Variants in LRRIQ3 observed in about 807,000 individuals in gnomAD.
LRRIQ3 encodes the protein leucine rich repeats and IQ motif containing 3.
LRRIQ3 carries 75 observed loss-of-function variants against 59.3 expected under a neutral mutation model. The observed-to-expected ratio is 1.26, with a 90% CI of 1.05 to 1.53. LRRIQ3 has a LOEUF of 1.53. Ranked by LOEUF, LRRIQ3 falls within the 40% of genes most tolerant of loss-of-function variation. The probability of loss-of-function intolerance (pLI) is 0.00; values close to 1 mark genes in which losing one functional copy is unlikely to be tolerated. For synonymous variants in LRRIQ3, 250 were observed against 231.3 expected, an observed-to-expected ratio of 1.08 and a Z score of -0.73; for missense variants, 831 against 710.0, an observed-to-expected ratio of 1.17 and a Z score of -1.94.
intron 6 of LRRIQ3, among the ~76,000 whole-genome samples, chr1:74,044,593 G>A (rs1322822598): frequency 6.6e-6 from 1 of 152,076 alleles, no homozygotes; most frequent in Non-Finnish European, 1.5e-5. Context: ...AAAGCTAGCA[G>A]AAGACAAGAA....
At chr1:74,038,279 CCAGCCAGGGGCT>C (rs1252304263) in intron 7 of LRRIQ3, among the ~76,000 whole-genome samples, 1 of 152,170 alleles carries the variant, frequency 6.6e-6, no homozygotes, top group Non-Finnish European at 1.5e-5. Context: ...TCCAACAACT[CCAGCCAGGGGCT>C]CAGGGACAGA....
intron 1 of LRRIQ3, among the ~76,000 whole-genome samples, chr1:74,194,888 T>C (rs949969516): frequency 3.9e-5 from 6 of 152,198 alleles, no homozygotes; most frequent in Admixed American, 2.0e-4. Flanking sequence ...TTGACTCTAC[T>C]AATTTATATT....
chr1:74,119,572 G>A (rs1298533697), intron 4 of LRRIQ3, among the ~76,000 whole-genome samples: 1 of 152,066 alleles, frequency 6.6e-6, no homozygotes, highest in Non-Finnish European at 1.5e-5. Context: ...TGTCCTATAT[G>A]TAATGTTTTA....
intron 7 of LRRIQ3, among the ~76,000 whole-genome samples, chr1:74,038,629 T>A (rs2100380710): frequency 6.6e-6 from 1 of 152,200 alleles, no homozygotes; most frequent in African/African-American, 2.4e-5. Flanking sequence ...TCTCTGCTGT[T>A]CTCCAACCTC....
chr1:74,121,629 A>T (rs1167564253), intron 4 of LRRIQ3, among the ~76,000 whole-genome samples: 3 of 152,108 alleles, frequency 2.0e-5, no homozygotes, highest in African/African-American at 7.2e-5. Context: ...CATGTGCACA[A>T]CGTGCAGGTT....
chr1:74,113,830 T>C (rs1350609936), intron 4 of LRRIQ3, among the ~76,000 whole-genome samples: 4 of 152,046 alleles, frequency 2.6e-5, no homozygotes, highest in Admixed American at 2.6e-4. Flanking sequence ...CTTTTTAAGA[T>C]TAAAAAAAGC....
intron 3 of LRRIQ3, among the ~76,000 whole-genome samples, chr1:74,178,994 G>A (rs554271503): frequency 5.9e-5 from 9 of 152,068 alleles, no homozygotes; most frequent in African/African-American, 1.7e-4. Flanking sequence ...TGATTTCCTT[G>A]AGCAACTACA....
intron 6 of LRRIQ3, among the ~76,000 whole-genome samples, chr1:74,067,602 A>G (rs1654902442): frequency 6.6e-6 from 1 of 152,084 alleles, no homozygotes; most frequent in Admixed American, 6.6e-5. Context: ...TGTGAGTTCC[A>G]TATGTGGTTG....
chr1:74,045,978 AC>A lies in LRRIQ3; in HGVS notation c.998-4046del, dbSNP rs879556462. Among the ~76,000 whole-genome samples the A allele has an allele frequency of 8.5e-5, 13 of 152,270 alleles. No individual in the cohort carries two copies. The East Asian group carries it at 2.5e-3, about 29-fold the overall frequency. ...AGAGAGGACACAAACAAACGGAAAA[AC>A]ATTCCATCCTCATGGATAGGAAGAA... On this transcript the variant is annotated intron_variant, in intron 6 of 7. Coordinates refer to ENST00000354431, the MANE Select transcript of LRRIQ3 (RefSeq NM_001105659.2).
rs150179981 is a variant in LRRIQ3, at chr1:74,069,208, CT to C, written c.997+5452del. 8.2e-3 allele frequency among the ~76,000 whole-genome samples: 1,245 copies of C among 152,104 alleles called. 21 individuals carry two copies. Among genetic ancestry groups the C allele is most frequent in the African/African-American group, 0.029 (1,197 of 41,534 alleles). On this transcript the variant is annotated intron_variant, in intron 6 of 7. Transcript: ENST00000354431. Reference sequence around the variant, plus strand: ...TGAATTTACTTCTTTACAACTGTATCTGAAATATGAATGGTCCTTGAAATGG... The same window carrying C: ...TGAATTTACTTCTTTACAACTGTATCGAAATATGAATGGTCCTTGAAATGG...
chr1:74,132,678 T>A (rs1421220649), intron 4 of LRRIQ3, among the ~76,000 whole-genome samples: 1 of 152,160 alleles, frequency 6.6e-6, no homozygotes, highest in Non-Finnish European at 1.5e-5. Flanking sequence ...AAGCTGAAAC[T>A]GGATGCCTTC....
chr1:74,061,742 T>C (rs563172866), intron 6 of LRRIQ3, among the ~76,000 whole-genome samples: 21 of 152,212 alleles, frequency 1.4e-4, no homozygotes, highest in African/African-American at 4.8e-4. Context: ...AAAACAAAAC[T>C]TGACAAATCA....
intron 1 of LRRIQ3, among the ~76,000 whole-genome samples, chr1:74,190,687 TA>T (rs911033887): frequency 1.4e-4 from 20 of 139,496 alleles, no homozygotes; most frequent in African/African-American, 3.2e-4. Context: ...TGTAAGAAAA[TA>T]AAAAAAAAAC....
rs792117 is a variant in LRRIQ3 at position 74,144,331 on chromosome 1, C to A, written c.707+11402G>T. 3.3e-5 allele frequency: 7 copies of A among 214,232 alleles called. No homozygotes were observed. The South Asian group carries it at 3.8e-4, about 12-fold the overall frequency. The allele number at this position is 214,232 out of a possible 1,614,324, so 13.3% of individuals were successfully genotyped here. On this transcript the variant is annotated intron_variant, in intron 4 of 7. Coordinates refer to ENST00000354431, the MANE Select transcript of LRRIQ3 (RefSeq NM_001105659.2). ...CCCAAGTAATCAACAATGCAGATTT[C>A]TAAGTTAGTTATCATATAGAAACCT...
chr1:74,031,455 C>G (rs1280901035), intron 7 of LRRIQ3, among the ~76,000 whole-genome samples: 1 of 152,090 alleles, frequency 6.6e-6, no homozygotes, highest in Admixed American at 6.5e-5. Context: ...AGTTCATGTC[C>G]TTTGTAGGGA....
intron 6 of LRRIQ3, among the ~76,000 whole-genome samples, chr1:74,072,327 C>T (rs576488169): frequency 1.6e-4 from 25 of 152,162 alleles, no homozygotes; most frequent in Admixed American, 1.4e-3. Flanking sequence ...AGAACCATTA[C>T]TTACTGAGGT....
At chr1:74,121,631 G>C (rs140021188) in intron 4 of LRRIQ3, among the ~76,000 whole-genome samples, 3,306 of 151,722 alleles carry the variant, frequency 0.022, 110 homozygotes, top group African/African-American at 0.077. Flanking sequence ...TGTGCACAAC[G>C]TGCAGGTTAG....
chr1:74,058,395 G>T (rs972021471), intron 6 of LRRIQ3, among the ~76,000 whole-genome samples: 6 of 151,682 alleles, frequency 4.0e-5, no homozygotes, highest in South Asian at 4.2e-4. Flanking sequence ...AAATAAAATG[G>T]AATGAAATCT....
At chr1:74,137,470 T>C (rs527527312) in intron 4 of LRRIQ3, among the ~76,000 whole-genome samples, 1 of 152,090 alleles carries the variant, frequency 6.6e-6, no homozygotes, top group African/African-American at 2.4e-5. Context: ...TGTGGAGAAA[T>C]AGGAACACTT....
Sources: gnomAD v4.1 joint callset for allele counts (sites outside exome capture counted in the v4.1 genomes callset) on GRCh38, gnomAD v4.1.1 for gene constraint, MANE v1.5 for transcripts, NCBI Gene and HGNC (gene_info 2026-07-23, HGNC 2026-07-21) for gene names.